ZNF420: variants seen among roughly 807,000 people sequenced by gnomAD.
The protein encoded by ZNF420 is zinc finger protein 420, also known as ATM and p53-associated KZNF protein.
A neutral mutation model predicts 44.7 loss-of-function variants in ZNF420; 31 were observed. The ratio of observed to expected loss-of-function variants is 0.69; its 90% confidence interval spans 0.52 to 0.94. The LOEUF (loss-of-function observed/expected upper bound fraction) is 0.94. ZNF420 is among the 40% of genes least tolerant of loss of function. The pLI is 0.00. For synonymous variants in ZNF420, 245 were observed against 267.4 expected (o/e 0.92, Z 0.82); for missense variants, 681 against 827.9 (o/e 0.82, Z 2.18).
chr19:37,026,801 ATATT>A (rs1208105400), intron 1 of ZNF420, among the ~76,000 whole-genome samples: 1 of 152,254 alleles, frequency 6.6e-6, no homozygotes, highest in Non-Finnish European at 1.5e-5. Flanking sequence ...TTTGGAGGAA[ATATT>A]TATAACAGAT....
At position 37,036,065 on chromosome 19, in the gene ZNF420, A is replaced by T. The variant is rs546139122; in HGVS notation, c.-125+27983A>T. 5.5e-4 allele frequency among the ~76,000 whole-genome samples: 83 copies of T among 152,274 alleles called. 3 individuals are homozygous for T. In the South Asian group the frequency reaches 0.016, roughly 29 times the overall value. On this transcript the variant is annotated intron_variant, in intron 1 of 4. Coordinates refer to the ZNF420 transcript ENST00000587029. ...TTCTGGTAAGATTATCTTTGCCTTA[A>T]CAAGGGCCCTTTTCATCCACCCACT... is the stretch of plus-strand genomic sequence containing the variant.
chr19:37,008,068 C>A, exon 1 of ZNF420: 1 of 263,466 alleles, frequency 3.8e-6, no homozygotes, highest in Non-Finnish European at 7.3e-6. Context: ...TCAGGCCTGC[C>A]CGGACGGTGT....
At chr19:37,015,698 C>A (rs749335991) in intron 1 of ZNF420, among the ~76,000 whole-genome samples, 14 of 152,172 alleles carry the variant, frequency 9.2e-5, no homozygotes, top group Non-Finnish European at 1.9e-4. Context: ...AAGCTGGTTC[C>A]AACTCATTCT....
chr19:37,077,333 T>A (rs946493740), upstream of ZNF420, among the ~76,000 whole-genome samples: 1 of 152,238 alleles, frequency 6.6e-6, no homozygotes, highest in Non-Finnish European at 1.5e-5. Context: ...TGTTTTATTA[T>A]TTTATTAGTT....
intron 1 of ZNF420, among the ~76,000 whole-genome samples, chr19:37,035,042 A>T (rs967213661): frequency 6.6e-6 from 1 of 152,180 alleles, no homozygotes; most frequent in Non-Finnish European, 1.5e-5. Flanking sequence ...TTAATGGGAG[A>T]CCATTAGGCT....
At chr19:37,077,091 C>T (rs1380926269), upstream of ZNF420, among the ~76,000 whole-genome samples, 1 of 152,140 alleles carries the variant, frequency 6.6e-6, no homozygotes, top group Admixed American at 6.6e-5. Context: ...ACTCTATCTT[C>T]TCTGTGCTGG....
chr19:37,104,092 T>A (rs1969936123), intron 4 of ZNF420, among the ~76,000 whole-genome samples: 1 of 152,086 alleles, frequency 6.6e-6, no homozygotes, highest in East Asian at 1.9e-4. Flanking sequence ...TAACTCGTCA[T>A]TTACATTAGG....
chr19:37,008,638 A>C (rs2074546476), intron 1 of ZNF420, among the ~76,000 whole-genome samples: 1 of 152,178 alleles, frequency 6.6e-6, no homozygotes, highest in Non-Finnish European at 1.5e-5. Flanking sequence ...AGGCTTAAAG[A>C]AGAAGCCGGG....
chr19:37,059,199 G>A (rs960276970), intron 1 of ZNF420, among the ~76,000 whole-genome samples: 2 of 152,194 alleles, frequency 1.3e-5, no homozygotes, highest in Admixed American at 1.3e-4. Flanking sequence ...GTTTGGCCCT[G>A]GGACGCCCGC....
In ZNF420 at chr19:37,015,555, C is replaced by T. The variant is rs546759327; in HGVS notation, c.-125+7473C>T. 3.9e-5 allele frequency among the ~76,000 whole-genome samples: 6 copies of T among 152,290 alleles called. No individual in the cohort carries two copies. In the South Asian group the frequency reaches 1.2e-3, roughly 32 times the overall value. On this transcript the variant is annotated intron_variant, in intron 1 of 4. Coordinates refer to the ZNF420 transcript ENST00000587029. ...GTCAGATGGGCACTCAATCTTCTTT[C>T]AGTTCCATTCCGGGTCAAAAAGAAA...
At chr19:37,034,977 C>A (rs1967326292) in intron 1 of ZNF420, among the ~76,000 whole-genome samples, 1 of 152,266 alleles carries the variant, frequency 6.6e-6, no homozygotes, top group African/African-American at 2.4e-5. Context: ...GTGGTAAGAA[C>A]CCTGGTGAGG....
At chr19:37,092,426 CT>C (rs1207270736) in intron 4 of ZNF420, 1 of 151,908 alleles carries the variant, frequency 6.6e-6, no homozygotes, top group Admixed American at 6.6e-5. Context: ...ATATTAAGAA[CT>C]TTGGGCTCGG....
intron 4 of ZNF420, among the ~76,000 whole-genome samples, chr19:37,101,153 T>G (rs1046473435): frequency 6.6e-6 from 1 of 152,176 alleles, no homozygotes; most frequent in African/African-American, 2.4e-5. Flanking sequence ...TCCTGAATGT[T>G]CTTGATGTTT....
intron 4 of ZNF420, among the ~76,000 whole-genome samples, chr19:37,126,210 A>C (rs1414094459): frequency 1.3e-5 from 2 of 152,204 alleles, no homozygotes; most frequent in Non-Finnish European, 2.9e-5. Context: ...AAATTACCAG[A>C]AATTAATGTT....
intron 1 of ZNF420, among the ~76,000 whole-genome samples, chr19:37,028,944 G>GT (rs1375793033): frequency 0.01 from 2 of 194 alleles, no homozygotes; most frequent in Non-Finnish European, 0.021. Flanking sequence ...TAGGTGTTTT[G>GT]TTCAAATCAT....
At chr19:37,025,598 T>A (rs565480184) in intron 1 of ZNF420, among the ~76,000 whole-genome samples, 2 of 152,068 alleles carry the variant, frequency 1.3e-5, no homozygotes, top group Non-Finnish European at 2.9e-5. Context: ...TGGATTATCT[T>A]GATTCATCTT....
intron 1 of ZNF420, chr19:37,025,139 G>T (rs1437975696): frequency 5.3e-6 from 2 of 379,010 alleles, no homozygotes; most frequent in Non-Finnish European, 4.5e-6. Context: ...CATTTATAGG[G>T]TTTCTCACCA....
chr19:37,128,688 A>G lies in ZNF420; in HGVS notation c.1697A>G (p.Lys566Arg), dbSNP rs935050498. The G allele has an allele frequency of 1.6e-5, 26 of 1,613,974 alleles. No homozygotes were observed. The Admixed American group carries it at 3.2e-4, about 20-fold the overall frequency. The stretch of plus-strand genomic sequence containing the variant: ...CCATATCAATGTAAGGAATGTGGGA[A>G]AGCCTTTATTCGTGGTTCACAGTTG... ...EKPYQCKECGKAFIRGSQLTQ... is the reference protein window; with the variant it reads ...EKPYQCKECGRAFIRGSQLTQ... Residue 566 changes from lysine (K) to arginine (R), a missense_variant, in exon 5 of 5, where the codon AAA (lysine) becomes AGA (arginine). By Grantham distance (26) the Lys-to-Arg change is conservative. Transcript: ENST00000337995.
intron 1 of ZNF420, among the ~76,000 whole-genome samples, chr19:37,016,091 G>A (rs1232948582): frequency 2.0e-5 from 3 of 152,212 alleles, no homozygotes; most frequent in African/African-American, 7.2e-5. Context: ...AACCGTGGGT[G>A]CTCGTAGCTC....
Sources: gnomAD v4.1 joint callset for allele counts (sites outside exome capture counted in the v4.1 genomes callset) on GRCh38, gnomAD v4.1.1 for gene constraint, MANE v1.5 for transcripts, NCBI Gene and HGNC (gene_info 2026-07-23, HGNC 2026-07-21) for gene names.